C5: variants seen among roughly 807,000 people sequenced by gnomAD.
C5 encodes the protein complement C5.
A neutral mutation model predicts 218.8 loss-of-function variants in C5; 140 were observed. That is an observed-to-expected ratio of 0.64 (90% confidence interval 0.56 to 0.74). C5 has a LOEUF of 0.74. C5 is among the 30% of genes least tolerant of loss of function. C5 has a pLI of 0.00. For missense variants in C5, 1,700 were observed against 1,969.6 expected (o/e 0.86, Z 2.59); for synonymous variants, 614 against 682.3 (o/e 0.90, Z 1.56).
At chr9:121,041,296 C>CTTTT (rs2047577433) in intron 3 of C5, among the ~76,000 whole-genome samples, 1 of 38,598 alleles carries the variant, frequency 2.6e-5, no homozygotes, top group Non-Finnish European at 5.8e-5. Context: ...ATACATGAAG[C>CTTTT]CTTTTTTTTT....
At chr9:121,069,822 G>A in the C5 span, among the ~76,000 whole-genome samples, 3 of 152,056 alleles carry the variant, frequency 2.0e-5, no homozygotes, top group Non-Finnish European at 4.4e-5. Context: ...CCAGAAAAAG[G>A]GACTCATACA....
intron 2 of C5, among the ~76,000 whole-genome samples, chr9:121,045,859 T>C (rs2047622190): frequency 6.6e-6 from 1 of 152,168 alleles, no homozygotes; most frequent in South Asian, 2.1e-4. Context: ...ATCATACTCA[T>C]ATTTCTCAAT....
At chr9:121,000,799 A>G (rs1340292223) in intron 20 of C5, among the ~76,000 whole-genome samples, 1 of 152,170 alleles carries the variant, frequency 6.6e-6, no homozygotes, top group African/African-American at 2.4e-5. Flanking sequence ...CATAGTACCT[A>G]ATAGGTCATT....
chr9:120,972,846 A>G (rs1468279420), intron 30 of C5, among the ~76,000 whole-genome samples: 1 of 152,232 alleles, frequency 6.6e-6, no homozygotes, highest in Non-Finnish European at 1.5e-5. Flanking sequence ...TAAATGTAGG[A>G]AAGTAGGTCA....
At chr9:120,957,804 G>A (rs912983575) in intron 38 of C5, among the ~76,000 whole-genome samples, 9 of 152,154 alleles carry the variant, frequency 5.9e-5, no homozygotes, top group African/African-American at 2.2e-4. Flanking sequence ...TTGGTTCCTT[G>A]CTTTGCTTCC....
intron 4 of C5, among the ~76,000 whole-genome samples, chr9:121,037,606 C>T (rs1056820963): frequency 2.6e-5 from 4 of 152,068 alleles, no homozygotes; most frequent in African/African-American, 7.2e-5. Context: ...CCACCACGCC[C>T]GGCCAGTGGG....
intron 20 of C5, among the ~76,000 whole-genome samples, chr9:121,002,339 T>TAC (rs2047179263): frequency 8.7e-6 from 1 of 115,450 alleles, no homozygotes; most frequent in African/African-American, 3.9e-5. Context: ...TATATATATA[T>TAC]ATACACACAT....
At chr9:121,065,115 C>T in the C5 span, among the ~76,000 whole-genome samples, 1 of 151,758 alleles carries the variant, frequency 6.6e-6, no homozygotes, top group Admixed American at 6.6e-5. Flanking sequence ...TTAAATTTAG[C>T]TTTAAATTTA....
At chr9:121,043,556 T>C (rs1482372111) in intron 2 of C5, among the ~76,000 whole-genome samples, 1 of 151,436 alleles carries the variant, frequency 6.6e-6, no homozygotes, top group African/African-American at 2.4e-5. Context: ...TGAGACGGAG[T>C]CTCACTTACT....
At chr9:120,954,386 T>C (rs564773379) in intron 39 of C5, among the ~76,000 whole-genome samples, 2 of 152,370 alleles carry the variant, frequency 1.3e-5, no homozygotes, top group East Asian at 1.9e-4. Context: ...ACTTCAAAGA[T>C]AGTAATTTTG....
At chr9:121,032,385 A>G (rs979272632) in intron 5 of C5, among the ~76,000 whole-genome samples, 190 bp from the exon 6 acceptor site, 7 of 152,310 alleles carry the variant, frequency 4.6e-5, no homozygotes, top group African/African-American at 1.7e-4. Context: ...AATAGATAAT[A>G]GATATTGTTT....
At chr9:120,957,119 C>T (rs763777310) in intron 39 of C5, 166 bp downstream of exon 39, 18 of 562,750 alleles carry the variant, frequency 3.2e-5, no homozygotes, top group African/African-American at 5.7e-5. Flanking sequence ...AATATTTATA[C>T]GAACATCTTT....
intron 38 of C5, among the ~76,000 whole-genome samples, chr9:120,958,675 G>A (rs1251085428): frequency 2.0e-5 from 3 of 151,772 alleles, no homozygotes; most frequent in Non-Finnish European, 2.9e-5. Context: ...AGTAGACTTC[G>A]ATGGAAAAAA....
At chr9:121,002,284 A>ATGTGTGTGTGTGTGTGTG (rs1301302145) in intron 20 of C5, among the ~76,000 whole-genome samples, 7 of 118,644 alleles carry the variant, frequency 5.9e-5, no homozygotes, top group Non-Finnish European at 9.0e-5. Flanking sequence ...ATATATACGT[A>ATGTGTGTGTGTGTGTGTG]TATATGTATA....
chr9:120,962,502 T>C (rs1484843163), intron 36 of C5, among the ~76,000 whole-genome samples, 169 bp downstream of exon 36: 1 of 152,232 alleles, frequency 6.6e-6, no homozygotes, highest in African/African-American at 2.4e-5. Flanking sequence ...GTAGTTTATG[T>C]ACAATATTTT....
intron 33 of C5, among the ~76,000 whole-genome samples, chr9:120,964,101 T>C (rs905735284): frequency 3.3e-5 from 5 of 152,238 alleles, no homozygotes; most frequent in Admixed American, 1.3e-4. Flanking sequence ...GTTAGTTCAT[T>C]TTCTAATGAA....
chr9:121,071,663 T>C, the C5 span, among the ~76,000 whole-genome samples: 2 of 152,138 alleles, frequency 1.3e-5, no homozygotes, highest in African/African-American at 2.4e-5. Flanking sequence ...GAAACCTGGG[T>C]GACAGAGTGA....
rs779247145 is a variant in C5 at position 121,017,516 on chromosome 9, A to G, written c.1717-5T>C. On this transcript the variant is annotated splice_region_variant and splice_polypyrimidine_tract_variant and intron_variant, in intron 13 of 40. Transcript: ENST00000223642. ...TGCATCAGGAGACAGATGAACCTAA[A>G]AGTTCATTTGAAAAAGAAAAGAAAA... 35 of 1,613,540 alleles carry G rather than the reference A, an allele frequency of 2.2e-5. No homozygotes were observed. Among genetic ancestry groups the G allele is most frequent in the Non-Finnish European group, 2.7e-5 (32 of 1,179,910 alleles).
intron 25 of C5, among the ~76,000 whole-genome samples, chr9:120,988,079 C>T (rs886783859): frequency 6.6e-6 from 1 of 152,198 alleles, no homozygotes; most frequent in Non-Finnish European, 1.5e-5. Flanking sequence ...GCGTGAGCCA[C>T]CATGCCCAGC....
Sources: gnomAD v4.1 joint callset for allele counts (sites outside exome capture counted in the v4.1 genomes callset) on GRCh38, gnomAD v4.1.1 for gene constraint, MANE v1.5 for transcripts, NCBI Gene and HGNC (gene_info 2026-07-23, HGNC 2026-07-21) for gene names.